Variants in WWOX observed in about 807,000 individuals in gnomAD.
WWOX encodes WW domain-containing oxidoreductase.
A neutral mutation model predicts 46.2 loss-of-function variants in WWOX; 69 were observed. That is an observed-to-expected ratio of 1.49 (90% CI 1.23 to 1.82). The LOEUF is 1.82. Ranked by LOEUF, WWOX falls within the 40% of genes most tolerant of loss-of-function variation. The pLI, the probability that WWOX is intolerant of heterozygous loss-of-function variation, is 0.00. For synonymous variants in WWOX, 359 were observed against 202.6 expected (o/e 1.77, Z -6.56); for missense variants, 919 against 542.6 (o/e 1.69, Z -6.89).
At chr16:78,586,031 C>T (rs115258582) in intron 8 of WWOX, among the ~76,000 whole-genome samples, 170 of 151,762 alleles carry the variant, frequency 1.1e-3, no homozygotes, top group African/African-American at 4.0e-3. Flanking sequence ...GATGTCATCT[C>T]TACCAAAAAA....
chr16:78,422,388 C>T (rs1466680677), intron 6 of WWOX, among the ~76,000 whole-genome samples: 1 of 151,544 alleles, frequency 6.6e-6, no homozygotes, highest in African/African-American at 2.4e-5. Flanking sequence ...GAGTCTTGCT[C>T]TGATGCCTGT....
At chr16:78,483,447 T>C (rs2084547388) in intron 8 of WWOX, among the ~76,000 whole-genome samples, 1 of 151,170 alleles carries the variant, frequency 6.6e-6, no homozygotes, top group Non-Finnish European at 1.5e-5. Flanking sequence ...TTTGGTAGTT[T>C]CTTAATGGTC....
chr16:78,775,298 T>A (rs1567551518), intron 8 of WWOX, among the ~76,000 whole-genome samples: 1 of 152,210 alleles, frequency 6.6e-6, no homozygotes, highest in Non-Finnish European at 1.5e-5. Context: ...GTGTTTTGAC[T>A]GTTCACAGCA....
rs546591766 is a variant in WWOX, at chr16:79,026,737, C to G, written c.1057-184871C>G. Reference sequence around the variant, plus strand: ...GGTTCACACCATTTTCCTGCCTCAGCGTCCCAAGTAGCTGGGAGTACAGGC... The same window carrying G: ...GGTTCACACCATTTTCCTGCCTCAGGGTCCCAAGTAGCTGGGAGTACAGGC... On this transcript the variant is annotated intron_variant, in intron 8 of 8. Transcript: ENST00000566780. Among the ~76,000 whole-genome samples, 1,112 of 149,630 alleles carry G rather than the reference C, an allele frequency of 7.4e-3. 48 individuals carry two copies. The highest frequency in any genetic ancestry group is 0.026 in the African/African-American group (1,061 of 40,050).
chr16:78,424,526 A>G (rs1000838727), intron 6 of WWOX, among the ~76,000 whole-genome samples: 2 of 152,206 alleles, frequency 1.3e-5, no homozygotes, highest in Non-Finnish European at 2.9e-5. Context: ...TTAAGAAAGA[A>G]TTAATCAGGT....
intron 8 of WWOX, among the ~76,000 whole-genome samples, chr16:78,555,550 A>C (rs1161970867): frequency 6.7e-6 from 1 of 149,574 alleles, no homozygotes; most frequent in African/African-American, 2.5e-5. Flanking sequence ...TAATATATGC[A>C]GGCCAGTACC....
intron 8 of WWOX, among the ~76,000 whole-genome samples, chr16:78,743,138 G>T (rs989275329): frequency 1.3e-5 from 2 of 152,216 alleles, no homozygotes; most frequent in Admixed American, 1.3e-4. Flanking sequence ...GTCTTTCTCT[G>T]TGTGCTGCAG....
chr16:78,589,380 C>T (rs1330816682), intron 8 of WWOX, among the ~76,000 whole-genome samples: 3 of 152,172 alleles, frequency 2.0e-5, no homozygotes, highest in African/African-American at 7.2e-5. Context: ...ATTTTATTGA[C>T]AGTCATTTCT....
At chr16:79,193,257 C>T (rs2051172733) in intron 8 of WWOX, among the ~76,000 whole-genome samples, 1 of 152,118 alleles carries the variant, frequency 6.6e-6, no homozygotes, top group African/African-American at 2.4e-5. Context: ...CCTTGGGGGC[C>T]CTGTAAAATG....
chr16:78,976,365 T>C (rs2046572572), intron 8 of WWOX, among the ~76,000 whole-genome samples: 1 of 152,238 alleles, frequency 6.6e-6, no homozygotes, highest in South Asian at 2.1e-4. Context: ...AGGTCCTCGC[T>C]CACTCCCAGC....
intron 8 of WWOX, among the ~76,000 whole-genome samples, chr16:79,068,172 G>C (rs1266521165): frequency 6.6e-6 from 1 of 152,174 alleles, no homozygotes; most frequent in Non-Finnish European, 1.5e-5. Context: ...TGAGGAGAGA[G>C]CATTGGGTGA....
Position 78,108,417 on chromosome 16 carries a change from T to C in WWOX, c.108-6T>C. ...TTATTACTGTGGATTTTTTGTTTTT[T>C]AACAGTCACACCGAGGAGAAGACTC... On this transcript the variant is annotated splice_region_variant and splice_polypyrimidine_tract_variant and intron_variant, in intron 1 of 8. Coordinates refer to ENST00000566780, the MANE Select transcript of WWOX (RefSeq NM_016373.4). 2 of 1,613,428 alleles carry C rather than the reference T, an allele frequency of 1.2e-6. No individual in the cohort carries two copies. The highest frequency in any genetic ancestry group is 1.7e-6 in the Non-Finnish European group (2 of 1,179,640).
chr16:78,423,838 C>G (rs2083010231), intron 6 of WWOX, among the ~76,000 whole-genome samples: 1 of 137,330 alleles, frequency 7.3e-6, no homozygotes, highest in Non-Finnish European at 1.6e-5. Flanking sequence ...AGAGAAAGAT[C>G]TTGTCAAAAA....
chr16:79,008,170 G>T (rs946059246), intron 8 of WWOX, among the ~76,000 whole-genome samples: 7 of 152,110 alleles, frequency 4.6e-5, no homozygotes, highest in Non-Finnish European at 7.4e-5. Flanking sequence ...GCTGTTGACT[G>T]AGGGCCCCTT....
chr16:78,826,447 C>G (rs554229271), intron 8 of WWOX, among the ~76,000 whole-genome samples: 12 of 152,340 alleles, frequency 7.9e-5, no homozygotes, highest in Admixed American at 7.8e-4. Flanking sequence ...AGCTAAGAAT[C>G]TGTTCCTTGC....
At chr16:78,749,477 G>A (rs536149734) in intron 8 of WWOX, among the ~76,000 whole-genome samples, 76 of 152,298 alleles carry the variant, frequency 5.0e-4, no homozygotes, top group Middle Eastern at 3.4e-3. Flanking sequence ...TCTGGTGATA[G>A]AATATTAAAT....
At chr16:78,964,040 A>G (rs1028610524) in intron 8 of WWOX, among the ~76,000 whole-genome samples, 1 of 152,238 alleles carries the variant, frequency 6.6e-6, no homozygotes, top group Non-Finnish European at 1.5e-5. Flanking sequence ...CCAGCCATGT[A>G]GAACTGTAAG....
intron 8 of WWOX, among the ~76,000 whole-genome samples, chr16:79,175,410 C>G (rs2050780660): frequency 6.6e-6 from 1 of 152,210 alleles, no homozygotes. Context: ...CATGTTTACA[C>G]ATGGCCACCA....
intron 8 of WWOX, among the ~76,000 whole-genome samples, chr16:78,909,898 A>G (rs974066550): frequency 1.3e-5 from 2 of 152,202 alleles, no homozygotes; most frequent in East Asian, 3.9e-4. Flanking sequence ...TCCGTTTAGC[A>G]AAATAAGATG....
Sources: allele counts gnomAD v4.1 joint callset (sites outside exome capture counted in the v4.1 genomes callset), GRCh38; gene constraint gnomAD v4.1.1; transcripts MANE v1.5; gene names NCBI Gene and HGNC (gene_info 2026-07-23, HGNC 2026-07-21).